The following ARB2A variants were observed in gnomAD, a reference collection of about 807,000 sequenced individuals.
ARB2A encodes cotranscriptional regulator ARB2A.
the ARB2A span, among the ~76,000 whole-genome samples, chr5:93,933,847 A>T: frequency 2.0e-5 from 3 of 152,204 alleles, no homozygotes; most frequent in Non-Finnish European, 4.4e-5. Flanking sequence ...CAAACAAAAA[A>T]ATATAAAAAT....
chr5:93,637,110 A>C, the ARB2A span, among the ~76,000 whole-genome samples: 13 of 152,178 alleles, frequency 8.5e-5, no homozygotes, highest in South Asian at 2.7e-3. Flanking sequence ...CTTGGCAACT[A>C]CTGATCTGTT....
At chr5:93,881,204 T>C in the ARB2A span, 2 of 272,544 alleles carry the variant, frequency 7.3e-6, no homozygotes, top group Non-Finnish European at 1.4e-5. Context: ...AAAATTATTT[T>C]AGAAAATTTT....
chr5:94,003,851 A>C, the ARB2A span, among the ~76,000 whole-genome samples: 1 of 152,184 alleles, frequency 6.6e-6, no homozygotes, highest in African/African-American at 2.4e-5. Flanking sequence ...GATTATTTTA[A>C]AAATTTATAT....
At chr5:93,712,837 G>A in the ARB2A span, among the ~76,000 whole-genome samples, 2 of 152,014 alleles carry the variant, frequency 1.3e-5, no homozygotes, top group African/African-American at 4.8e-5. Flanking sequence ...AAAACAACAT[G>A]GTACTGGCAT....
chr5:93,756,429 T>C, the ARB2A span, among the ~76,000 whole-genome samples: 1 of 152,156 alleles, frequency 6.6e-6, no homozygotes, highest in East Asian at 1.9e-4. Context: ...AGCACAAAAA[T>C]AAAGCATTAA....
the ARB2A span, among the ~76,000 whole-genome samples, chr5:93,992,518 T>C: frequency 6.6e-6 from 1 of 152,044 alleles, no homozygotes; most frequent in Non-Finnish European, 1.5e-5. Context: ...TATATTCAAT[T>C]AGATTTATCA....
At chr5:93,751,433 TAATTTTTGCACCTACAAACTG>T in the ARB2A span, among the ~76,000 whole-genome samples, 1 of 152,184 alleles carries the variant, frequency 6.6e-6, no homozygotes, top group African/African-American at 2.4e-5. Flanking sequence ...TCAGTTAAAT[TAATTTTTGCACCTACAAACTG>T]AAGTCATTAA....
chr5:93,653,207 GT>G, the ARB2A span, among the ~76,000 whole-genome samples: 1 of 151,878 alleles, frequency 6.6e-6, no homozygotes, highest in Non-Finnish European at 1.5e-5. Context: ...TGAACTAGAT[GT>G]TTTCTTCTGG....
At chr5:94,002,535 C>A in the ARB2A span, among the ~76,000 whole-genome samples, 1 of 152,016 alleles carries the variant, frequency 6.6e-6, no homozygotes, top group South Asian at 2.1e-4. Flanking sequence ...TTGTATTCAC[C>A]TGTTGCACCC....
chr5:93,681,765 G>A, the ARB2A span, among the ~76,000 whole-genome samples: 1 of 152,072 alleles, frequency 6.6e-6, no homozygotes, highest in Non-Finnish European at 1.5e-5. Context: ...GTACTTAATA[G>A]TGTCATTTTA....
chr5:93,968,076 G>C, the ARB2A span, among the ~76,000 whole-genome samples: 1 of 152,048 alleles, frequency 6.6e-6, no homozygotes, highest in African/African-American at 2.4e-5. Flanking sequence ...CTAATGCCTA[G>C]CCAAATAAAC....
At chr5:93,621,629 A>G in the ARB2A span, among the ~76,000 whole-genome samples, 1 of 152,212 alleles carries the variant, frequency 6.6e-6, no homozygotes, top group Non-Finnish European at 1.5e-5. Flanking sequence ...GCGGGATCGC[A>G]CAGCGCCTGT....
the ARB2A span, among the ~76,000 whole-genome samples, chr5:93,978,124 G>A: frequency 6.6e-6 from 1 of 152,120 alleles, no homozygotes; most frequent in African/African-American, 2.4e-5. Flanking sequence ...AAAGATGTTG[G>A]TGAGGCTGCA....
At chr5:93,772,580 A>T in the ARB2A span, among the ~76,000 whole-genome samples, 3 of 152,196 alleles carry the variant, frequency 2.0e-5, no homozygotes, top group African/African-American at 7.2e-5. Flanking sequence ...ATCATCTCAC[A>T]GTTTTTGTGG....
the ARB2A span, among the ~76,000 whole-genome samples, chr5:93,832,100 C>T: frequency 6.6e-6 from 1 of 152,130 alleles, no homozygotes; most frequent in African/African-American, 2.4e-5. Context: ...ATCAACCTTG[C>T]TAGCAGGGCA....
At chr5:93,731,347 T>C in the ARB2A span, among the ~76,000 whole-genome samples, 2 of 152,074 alleles carry the variant, frequency 1.3e-5, no homozygotes. Context: ...AATGTAAAGA[T>C]ACAGCGAGAA....
At chr5:93,834,537 T>C in the ARB2A span, among the ~76,000 whole-genome samples, 2 of 152,220 alleles carry the variant, frequency 1.3e-5, no homozygotes, top group African/African-American at 2.4e-5. Context: ...CTTTTTACTA[T>C]ATACAGTGTT....
the ARB2A span, among the ~76,000 whole-genome samples, chr5:94,051,308 A>G: frequency 1.3e-5 from 2 of 152,228 alleles, no homozygotes. Flanking sequence ...TGGAAACATG[A>G]AAACTATCTG....
chr5:93,767,566 C>A, the ARB2A span, among the ~76,000 whole-genome samples: 1 of 152,136 alleles, frequency 6.6e-6, no homozygotes, highest in Non-Finnish European at 1.5e-5. Flanking sequence ...GAAAAAGATA[C>A]TTGCACACAC....
Sources: gnomAD v4.1 joint callset for allele counts (sites outside exome capture counted in the v4.1 genomes callset) on GRCh38, gnomAD v4.1.1 for gene constraint, MANE v1.5 for transcripts, NCBI Gene and HGNC (gene_info 2026-07-23, HGNC 2026-07-21) for gene names.